Variants in ANO2 observed in about 807,000 individuals in gnomAD.
ANO2 encodes the protein anoctamin 2.
ANO2 carries 101 observed loss-of-function variants against 124.2 expected under a neutral mutation model. That is an observed-to-expected ratio of 0.81 (90% CI 0.69 to 0.96). ANO2 has a LOEUF of 0.96. Ranked by LOEUF, ANO2 falls within the 40% of genes least tolerant of loss-of-function variation. The pLI, the probability that ANO2 is intolerant of heterozygous loss-of-function variation, is 0.00. For missense variants in ANO2, 1,293 were observed against 1,274.5 expected (o/e 1.01, Z -0.22); for synonymous variants, 486 against 482.5 (o/e 1.01, Z -0.09).
intron 3 of ANO2, among the ~76,000 whole-genome samples, chr12:5,893,421 A>G (rs2136274246): frequency 6.6e-6 from 1 of 152,200 alleles, no homozygotes; most frequent in East Asian, 1.9e-4. Flanking sequence ...TCCATCAAAA[A>G]GTGGGCAAAG....
rs569259097 is a variant in ANO2 at position 5,862,363 on chromosome 12, C to T, written c.535-8222G>A. ...AAGACTTCACCTGGTTCCCAACCAACGACCAGGGACAACCCAGGGTCCTAT... is the reference window on the plus strand; with the variant it reads ...AAGACTTCACCTGGTTCCCAACCAATGACCAGGGACAACCCAGGGTCCTAT... On this transcript the variant is annotated intron_variant, in intron 3 of 24. Transcript: ENST00000682330. The surrounding 1 kb of genome is among the most constrained non-coding windows in gnomAD (Gnocchi z 4.0). 5.3e-5 allele frequency among the ~76,000 whole-genome samples: 8 copies of T among 152,208 alleles called. No homozygotes were observed. The highest frequency in any genetic ancestry group is 2.1e-4 in the South Asian group (1 of 4,828).
At chr12:5,777,390 G>A (rs1484526622) in intron 10 of ANO2, among the ~76,000 whole-genome samples, 1 of 151,260 alleles carries the variant, frequency 6.6e-6, no homozygotes, top group Non-Finnish European at 1.5e-5. Flanking sequence ...AAGGTCATTG[G>A]GAGCAAAGGC....
intron 14 of ANO2, among the ~76,000 whole-genome samples, chr12:5,696,971 G>A (rs897460150): frequency 1.3e-5 from 2 of 152,162 alleles, no homozygotes; most frequent in African/African-American, 4.8e-5. Flanking sequence ...CTGATAAATG[G>A]TATCAACAGA....
Position 5,563,184 on chromosome 12 carries a change from C to T in ANO2, c.*115G>A, listed in dbSNP as rs1941531469. ...TTTACACACTGCCCCCTCTTCAAGA[C>T]CCCATCAAGCCAGGCCCCTGCAGAC... is the stretch of plus-strand genomic sequence containing the variant. On this transcript the variant is annotated 3_prime_UTR_variant, in exon 25 of 25. Transcript: ENST00000682330. The T allele has an allele frequency of 5.8e-6, 8 of 1,372,026 alleles. No homozygotes were observed. In the African/African-American group the frequency reaches 7.3e-5, roughly 12 times the overall value. The allele number at this position is 1,372,026 out of a possible 1,614,324, so 85.0% of individuals were successfully genotyped here.
At chr12:5,763,429 G>T (rs1951794281) in intron 10 of ANO2, among the ~76,000 whole-genome samples, 1 of 151,954 alleles carries the variant, frequency 6.6e-6, no homozygotes, top group African/African-American at 2.4e-5. Context: ...TATCAATCAT[G>T]CCTTGCTTTT....
intron 16 of ANO2, among the ~76,000 whole-genome samples, chr12:5,627,294 C>A (rs565419782): frequency 1.3e-5 from 2 of 152,226 alleles, no homozygotes; most frequent in Non-Finnish European, 2.9e-5. Context: ...TTCTCCCCCA[C>A]TGCCTGAGGC....
At chr12:5,628,687 T>TGTGTGTGCGCGC (rs989599957) in intron 16 of ANO2, among the ~76,000 whole-genome samples, 1 of 145,890 alleles carries the variant, frequency 6.9e-6, no homozygotes, top group Admixed American at 6.6e-5. Context: ...TGTGTGTGTG[T>TGTGTGTGCGCGC]GCGCGCGCGC....
At chr12:5,753,185 G>A (rs1408644377) in intron 10 of ANO2, among the ~76,000 whole-genome samples, 4 of 152,174 alleles carry the variant, frequency 2.6e-5, no homozygotes, top group Admixed American at 6.6e-5. Context: ...AATATTCATC[G>A]GTGCCTTTCT....
chr12:5,737,450 G>A (rs763792865), intron 13 of ANO2, among the ~76,000 whole-genome samples: 1 of 152,174 alleles, frequency 6.6e-6, no homozygotes, highest in Non-Finnish European at 1.5e-5. Context: ...AGATTTCAAG[G>A]GTATTGAGTT....
intron 4 of ANO2, among the ~76,000 whole-genome samples, chr12:5,845,461 G>C (rs1954652079): frequency 6.6e-6 from 1 of 151,204 alleles, no homozygotes. Context: ...CAGCTACTCA[G>C]GAGGCTGAGG....
In ANO2 at chr12:5,862,445, C is replaced by T. The variant is rs748854157; in HGVS notation, c.535-8304G>A. Among the ~76,000 whole-genome samples the T allele has an allele frequency of 1.3e-5, 2 of 152,216 alleles. No homozygotes were observed. Among genetic ancestry groups the T allele is most frequent in the African/African-American group, 2.4e-5 (1 of 41,454 alleles). ...TTCTGGGTGCCAACCTGGACAGACA[C>T]GCAGAACGGGTGATCTCTGGACCTA... On this transcript the variant is annotated intron_variant, in intron 3 of 24. Transcript: ENST00000682330. This position sits in a 1 kb window ranked among gnomAD's most constrained non-coding sequence, Gnocchi z 4.0.
chr12:5,648,503 T>C (rs925818602), intron 14 of ANO2, among the ~76,000 whole-genome samples: 4 of 152,218 alleles, frequency 2.6e-5, no homozygotes, highest in African/African-American at 9.6e-5. Flanking sequence ...GCCATTATCC[T>C]GCGACAATCG....
Position 5,636,356 on chromosome 12 carries a change from TAGA to T in ANO2, c.1621-1012_1621-1010del, listed in dbSNP as rs767882120. The stretch of plus-strand genomic sequence containing the variant: ...CCTGAGTAAAGCCTCTTAGAGGGGA[TAGA>T]AGAAGGAGAGACAACTGCTAGGTGC... On this transcript the variant is annotated intron_variant, in intron 15 of 24. Coordinates refer to ENST00000682330, the MANE Select transcript of ANO2 (RefSeq NM_001364791.2). The surrounding 1 kb of genome is among the most constrained non-coding windows in gnomAD (Gnocchi z 4.6). 2.0e-5 allele frequency among the ~76,000 whole-genome samples: 3 copies of T among 151,996 alleles called. No homozygotes were observed. Among genetic ancestry groups the T allele is most frequent in the Non-Finnish European group, 4.4e-5 (3 of 67,996 alleles).
chr12:5,936,469 C>G (rs1942657905), intron 1 of ANO2, among the ~76,000 whole-genome samples: 1 of 152,190 alleles, frequency 6.6e-6, no homozygotes, highest in African/African-American at 2.4e-5. Context: ...GCTAGACCCT[C>G]TTTTTGCCCT....
At chr12:5,581,847 G>A (rs567825431) in intron 20 of ANO2, among the ~76,000 whole-genome samples, 51 of 152,260 alleles carry the variant, frequency 3.3e-4, no homozygotes, top group Middle Eastern at 6.8e-3. Context: ...CTCTGCAGAC[G>A]CCCCATTGCT....
chr12:5,888,382 CAGTGTG>C (rs1385933713), intron 3 of ANO2, among the ~76,000 whole-genome samples: 1 of 152,182 alleles, frequency 6.6e-6, no homozygotes, highest in East Asian at 1.9e-4. Flanking sequence ...AAACCTTCCA[CAGTGTG>C]GAAGGGGACG....
intron 14 of ANO2, among the ~76,000 whole-genome samples, chr12:5,723,151 G>C (rs1156656230): frequency 1.3e-5 from 2 of 152,124 alleles, no homozygotes; most frequent in East Asian, 3.9e-4. Context: ...ATTCTCCGGA[G>C]GTGGTAGTCA....
At chr12:5,841,032 C>T (rs574116855) in intron 4 of ANO2, among the ~76,000 whole-genome samples, 16 of 152,242 alleles carry the variant, frequency 1.1e-4, no homozygotes, top group Non-Finnish European at 2.4e-4. Context: ...AAGGGAGGAG[C>T]AAGAGAAGCC....
chr12:5,732,844 G>C (rs781480572), intron 13 of ANO2: 1 of 1,613,812 alleles, frequency 6.2e-7, no homozygotes, highest in Non-Finnish European at 8.5e-7. Context: ...CACAACACTC[G>C]TTATCACACT....
Sources: gnomAD v4.1 joint callset for allele counts (sites outside exome capture counted in the v4.1 genomes callset) on GRCh38, gnomAD v4.1.1 for gene constraint, Gnocchi (gnomAD v3.1) non-coding constraint, MANE v1.5 for transcripts, NCBI Gene and HGNC (gene_info 2026-07-23, HGNC 2026-07-21) for gene names.